DOCK5: variants seen among roughly 807,000 people sequenced by gnomAD.
DOCK5 encodes the protein dedicator of cytokinesis protein 5.
A neutral mutation model predicts 251.8 loss-of-function variants in DOCK5; 142 were observed. The ratio of observed to expected loss-of-function variants is 0.56; its 90% CI spans 0.49 to 0.65. The LOEUF (loss-of-function observed/expected upper bound fraction) is 0.65. Among genes scored for constraint, DOCK5 ranks in the 30% least tolerant of loss-of-function variants. DOCK5 has a pLI of 0.00. For synonymous variants in DOCK5, 842 were observed against 835.5 expected, an observed-to-expected ratio of 1.01 and a Z score of -0.13; for missense variants, 2,111 against 2,312.3, an observed-to-expected ratio of 0.91 and a Z score of 1.79.
At chr8:25,347,003 T>C (rs573302004) in intron 26 of DOCK5, among the ~76,000 whole-genome samples, 1 of 152,302 alleles carries the variant, frequency 6.6e-6, no homozygotes, top group Admixed American at 6.5e-5. Context: ...AAATTATAGT[T>C]ACCACGTCTA....
At chr8:25,248,894 A>C (rs1317033339) in intron 2 of DOCK5, among the ~76,000 whole-genome samples, 1 of 152,202 alleles carries the variant, frequency 6.6e-6, no homozygotes, top group East Asian at 1.9e-4. Context: ...ATTACAAGGC[A>C]GAGGTGCTGT....
At chr8:25,328,958 G>A (rs1028286662) in intron 18 of DOCK5, among the ~76,000 whole-genome samples, 1 of 152,146 alleles carries the variant, frequency 6.6e-6, no homozygotes, top group African/African-American at 2.4e-5. Context: ...AAGCTCCTAA[G>A]TCGTGGACTT....
intron 3 of DOCK5, among the ~76,000 whole-genome samples, chr8:25,270,033 A>G (rs1803865198): frequency 6.6e-6 from 1 of 152,214 alleles, no homozygotes; most frequent in South Asian, 2.1e-4. Flanking sequence ...TGCTTAAGTC[A>G]CACTCAGTAT....
chr8:25,274,905 G>A (rs946962241), intron 3 of DOCK5, among the ~76,000 whole-genome samples: 14 of 152,134 alleles, frequency 9.2e-5, no homozygotes, highest in Non-Finnish European at 1.6e-4. Flanking sequence ...TGCCATACTT[G>A]AGTATGTGTG....
At chr8:25,286,136 C>T (rs115443862) in intron 5 of DOCK5, among the ~76,000 whole-genome samples, 2,722 of 152,072 alleles carry the variant, frequency 0.018, 76 homozygotes, top group African/African-American at 0.058. Flanking sequence ...CTCTTCTTCC[C>T]GGGGTCCCTG....
chr8:25,339,192 C>G (rs1297477680), intron 22 of DOCK5, among the ~76,000 whole-genome samples: 2 of 152,198 alleles, frequency 1.3e-5, no homozygotes, highest in Non-Finnish European at 2.9e-5. Context: ...CTGTTGCCTT[C>G]CGCAGAGCTT....
At chr8:25,217,612 C>G (rs1399767583) in intron 1 of DOCK5, among the ~76,000 whole-genome samples, 1 of 152,066 alleles carries the variant, frequency 6.6e-6, no homozygotes, top group Non-Finnish European at 1.5e-5. Context: ...TTGGGTGCTT[C>G]TTGGGTGGGT....
At chr8:25,189,925 C>T (rs943395126) in intron 1 of DOCK5, among the ~76,000 whole-genome samples, 2 of 151,976 alleles carry the variant, frequency 1.3e-5, no homozygotes, top group East Asian at 2.0e-4. Flanking sequence ...CTTGCTCTGT[C>T]GCCCAGGCTG....
At chr8:25,344,320 T>G (rs893382871) in intron 25 of DOCK5, among the ~76,000 whole-genome samples, 1 of 152,142 alleles carries the variant, frequency 6.6e-6, no homozygotes, top group African/African-American at 2.4e-5. Context: ...AACTCAAGAC[T>G]TGCTAGAGTG....
intron 2 of DOCK5, among the ~76,000 whole-genome samples, chr8:25,259,206 C>T (rs1803503036): frequency 6.6e-6 from 1 of 152,088 alleles, no homozygotes; most frequent in Non-Finnish European, 1.5e-5. Context: ...TGTGCCTATG[C>T]GTGTGTGTTT....
intron 2 of DOCK5, among the ~76,000 whole-genome samples, chr8:25,248,674 G>A (rs538021334): frequency 5.9e-5 from 9 of 152,208 alleles, no homozygotes; most frequent in African/African-American, 1.7e-4. Flanking sequence ...GTTTCCTGCC[G>A]TGTGGTTGGC....
In DOCK5 at chr8:25,366,911, C is replaced by G. The variant is rs746243953; in HGVS notation, c.3165C>G (p.Thr1055=). 4.3e-6 allele frequency: 7 copies of G among 1,613,872 alleles called. No individual in the cohort carries two copies. Among genetic ancestry groups the G allele is most frequent in the Non-Finnish European group, 5.9e-6 (7 of 1,179,818 alleles). ...NYFHLAVAFL[T]HESLQLETFS... is the part of the protein sequence containing the mutation. ...TCCATTTGGCAGTTGCATTTCTCAC[C>G]CATGAGTCCCTTCAGCTTGAAACCT... The change falls in exon 31 of 52, where the codon ACC becomes ACG. Residue 1055 remains threonine, a synonymous_variant. Transcript: ENST00000276440.
intron 27 of DOCK5, among the ~76,000 whole-genome samples, chr8:25,353,867 T>C (rs1336819143): frequency 2.0e-5 from 3 of 151,680 alleles, no homozygotes; most frequent in South Asian, 2.1e-4. Flanking sequence ...CTACTAAATA[T>C]ACAAAAGTTA....
chr8:25,219,827 G>A (rs1802336306), intron 1 of DOCK5, among the ~76,000 whole-genome samples: 2 of 151,886 alleles, frequency 1.3e-5, no homozygotes, highest in South Asian at 2.1e-4. Context: ...GCATGCCTTG[G>A]TAGGAATCGT....
intron 18 of DOCK5, among the ~76,000 whole-genome samples, chr8:25,330,277 G>A (rs568645684): frequency 1.3e-5 from 2 of 152,200 alleles, no homozygotes; most frequent in South Asian, 2.1e-4. Context: ...TTCCCTTTCC[G>A]TTCATTCATT....
At chr8:25,258,373 T>G (rs1803476351) in intron 2 of DOCK5, among the ~76,000 whole-genome samples, 1 of 152,136 alleles carries the variant, frequency 6.6e-6, no homozygotes, top group South Asian at 2.1e-4. Context: ...TTAAAAATAT[T>G]GTAATGTTTT....
At chr8:25,196,769 G>A (rs966710469) in intron 1 of DOCK5, among the ~76,000 whole-genome samples, 3 of 152,108 alleles carry the variant, frequency 2.0e-5, no homozygotes, top group African/African-American at 7.2e-5. Flanking sequence ...ATGCAATGAC[G>A]TTATAATGCA....
rs1563204815 is a variant in DOCK5, at chr8:25,332,320, TG to T, written c.1975del (p.Glu659LysfsTer15). The T allele has an allele frequency of 6.2e-7, 1 of 1,613,526 alleles. No homozygotes were observed. The highest frequency in any genetic ancestry group is 1.7e-5 in the Admixed American group (1 of 59,992). ...QNIKHNLKKL[M>X]EVDGGEIVKF... ...ATTAAACACAACCTAAAGAAGTTAATGGAAGTGGATGGAGGAGAGATTGTTA... is the reference window on the plus strand; with the variant it reads ...ATTAAACACAACCTAAAGAAGTTAATGAAGTGGATGGAGGAGAGATTGTTA... On this transcript the variant is annotated frameshift_variant, in exon 19 of 52. Transcript: ENST00000276440. LOFTEE classifies it high-confidence loss of function.
intron 3 of DOCK5, 132 bp from the exon 4 acceptor site, chr8:25,275,254 G>A: frequency 1.6e-6 from 1 of 640,092 alleles, no homozygotes; most frequent in Non-Finnish European, 2.6e-6. Flanking sequence ...GTGGTGTCCT[G>A]CCAACCTGAT....
Sources: allele counts gnomAD v4.1 joint callset (sites outside exome capture counted in the v4.1 genomes callset), GRCh38; gene constraint gnomAD v4.1.1; transcripts MANE v1.5; gene names NCBI Gene and HGNC (gene_info 2026-07-23, HGNC 2026-07-21).